The following MBTPS2 variants were observed in gnomAD, a reference collection of about 807,000 sequenced individuals.
MBTPS2 encodes the protein membrane-bound transcription factor site-2 protease.
A neutral mutation model predicts 35.4 loss-of-function variants in MBTPS2; 2 were observed. That is an observed-to-expected ratio of 0.06 (90% CI 0.02 to 0.18). MBTPS2 has a LOEUF of 0.18. Ranked by LOEUF, MBTPS2 falls within the 10% of genes least tolerant of loss-of-function variation. MBTPS2 has a pLI of 1.00. For synonymous variants in MBTPS2, 125 were observed against 140.4 expected (o/e 0.89, Z 0.77); for missense variants, 244 against 386.5 (o/e 0.63, Z 3.09).
intron 8 of MBTPS2, 151 bp from the exon 9 acceptor site, chrX:21,878,346 A>G: frequency 1.9e-6 from 1 of 520,353 alleles, no homozygotes; most frequent in Non-Finnish European, 3.3e-6. Context: ...GGGGTACTTG[A>G]ATCTATTTTA....
intron 10 of MBTPS2, among the ~76,000 whole-genome samples, chrX:21,881,793 G>A (rs757047263): frequency 3.8e-4 from 42 of 110,208 alleles, no homozygotes; most frequent in Admixed American, 2.0e-3. Context: ...AAAATTAGCC[G>A]GGTGTCTTGG....
intron 4 of MBTPS2, 84 bp downstream of exon 4, chrX:21,851,696 T>C (rs2092914911): frequency 3.1e-6 from 2 of 648,422 alleles, no homozygotes; most frequent in African/African-American, 4.3e-5. Context: ...ATCTGCTATA[T>C]TTGATACTTC....
chrX:21,845,007 A>T (rs1177775190), intron 2 of MBTPS2, among the ~76,000 whole-genome samples, 164 bp from the exon 3 acceptor site: 1 of 112,676 alleles, frequency 8.9e-6, no homozygotes, highest in Non-Finnish European at 1.9e-5. Flanking sequence ...ACTAGTGCTC[A>T]TGCTGCAGTC....
At chrX:21,872,994 A>T (rs1380072676) in intron 7 of MBTPS2, 2 of 111,091 alleles carry the variant, frequency 1.8e-5, no homozygotes, top group Non-Finnish European at 3.8e-5. Context: ...TCCAAAAGTT[A>T]TTCATGTTCA....
rs929124406 is a variant in MBTPS2, at chrX:21,851,422, C to G, written c.439-87C>G. 19 of 581,624 alleles carry G rather than the reference C, an allele frequency of 3.3e-5. No homozygotes were observed. The African/African-American group carries it at 4.0e-4, about 12-fold the overall frequency. The allele number at this position is 581,624 out of a possible 1,213,427, so 47.9% of individuals were successfully genotyped here. ...GAACATTCAGCTTGAAGGTTTAATACAGAATGAACATCATGTATCTTAGTG... is the reference window on the plus strand; with the variant it reads ...GAACATTCAGCTTGAAGGTTTAATAGAGAATGAACATCATGTATCTTAGTG... On this transcript the variant is annotated intron_variant, in intron 3 of 10. Transcript: ENST00000379484.
chrX:21,878,443 C>T, intron 8 of MBTPS2, 54 bp from the exon 9 acceptor site: 1 of 920,681 alleles, frequency 1.1e-6, no homozygotes, highest in Non-Finnish European at 1.6e-6. Flanking sequence ...AGGAATGTAA[C>T]TTAGGTTTTT....
At chrX:21,857,669 C>T (rs1297197059) in intron 5 of MBTPS2, 3 of 1,044,787 alleles carry the variant, frequency 2.9e-6, no homozygotes, top group African/African-American at 2.0e-5. Context: ...ATAAATATGC[C>T]TCTCAAAGCT....
intron 5 of MBTPS2, among the ~76,000 whole-genome samples, chrX:21,859,590 A>G (rs927517083): frequency 3.7e-5 from 4 of 109,033 alleles, no homozygotes; most frequent in Non-Finnish European, 5.7e-5. Flanking sequence ...TTAACACTTA[A>G]GAAGTACATC....
rs1291917061 is a variant in MBTPS2 at position 21,883,602 on chromosome X, G to A, written c.*947G>A. On this transcript the variant is annotated 3_prime_UTR_variant, in exon 11 of 11. Coordinates refer to ENST00000379484, the MANE Select transcript of MBTPS2 (RefSeq NM_015884.4). ...TCTGGGGCCTAGCTCCTGGGTTCCTGTCTCCAAGAAGCAATGACCTTAAAC... is the reference window on the plus strand; with the variant it reads ...TCTGGGGCCTAGCTCCTGGGTTCCTATCTCCAAGAAGCAATGACCTTAAAC... 1.3e-6 allele frequency: 1 copy of A among 751,886 alleles called. No homozygotes were observed. Among genetic ancestry groups the A allele is most frequent in the Non-Finnish European group, 1.6e-6 (1 of 638,873 alleles). 62.0% of individuals were successfully genotyped at this position (751,886 alleles called of 1,213,427 possible).
Position 21,848,715 on chromosome X carries a change from C to T in MBTPS2, c.439-2794C>T, listed in dbSNP as rs142814957. 5.5e-3 allele frequency among the ~76,000 whole-genome samples: 608 copies of T among 110,536 alleles called. 2 individuals carry two copies. Among genetic ancestry groups the T allele is most frequent in the African/African-American group, 0.019 (581 of 30,473 alleles). ...TAAATAAAATAAAATAAAACAACAA[C>T]AACAACAAAAATGATTATAACTAGT... On this transcript the variant is annotated intron_variant, in intron 3 of 10. Transcript: ENST00000379484.
intron 5 of MBTPS2, among the ~76,000 whole-genome samples, chrX:21,867,663 G>T (rs1307491006): frequency 1.0e-5 from 1 of 96,810 alleles, no homozygotes; most frequent in Non-Finnish European, 2.0e-5. Flanking sequence ...ACGGAGTCCT[G>T]CTCTGTGCTA....
rs142666676 is a variant in MBTPS2 at position 21,851,555 on chromosome X, C to T, written c.485C>T (p.Thr162Met). 438 of 1,206,166 alleles carry T rather than the reference C, an allele frequency of 3.6e-4. No homozygotes were observed. The highest frequency in any genetic ancestry group is 4.8e-4 in the Non-Finnish European group (425 of 892,211). ...LPVNQLTYFF[T>M]AVLISGVVHE... is the part of the protein sequence containing the mutation. Reference sequence around the variant, plus strand: ...GTCAATCAACTGACCTATTTCTTCACGGCAGTTCTCATTAGTGGTGTTGTA... The same window carrying T: ...GTCAATCAACTGACCTATTTCTTCATGGCAGTTCTCATTAGTGGTGTTGTA... The change falls in exon 4 of 11, where the codon ACG (threonine) becomes ATG (methionine). Residue 162 changes from threonine (T) to methionine (M), a missense_variant. Transcript: ENST00000379484.
intron 5 of MBTPS2, chrX:21,857,722 C>G: frequency 1.2e-6 from 1 of 837,216 alleles, no homozygotes; most frequent in Non-Finnish European, 1.7e-6. Flanking sequence ...ATGAATCCTG[C>G]ACATTTAAGG....
At chrX:21,847,782 G>C (rs1569321772) in intron 3 of MBTPS2, among the ~76,000 whole-genome samples, 5 of 112,048 alleles carry the variant, frequency 4.5e-5, no homozygotes, top group Admixed American at 3.8e-4. Context: ...TCAGAGAAAA[G>C]TATAATACTG....
intron 7 of MBTPS2, chrX:21,873,185 T>C (rs1322387286): frequency 1.8e-5 from 2 of 112,040 alleles, no homozygotes; most frequent in Non-Finnish European, 3.8e-5. Context: ...TTAAACTCTT[T>C]GAAGGTTAAA....
At chrX:21,867,299 C>A (rs1277556385) in intron 5 of MBTPS2, among the ~76,000 whole-genome samples, 1 of 111,661 alleles carries the variant, frequency 9.0e-6, no homozygotes, top group African/African-American at 3.2e-5. Flanking sequence ...AAAGAATGCA[C>A]TGCTCAGTAA....
chrX:21,845,378 A>G lies in MBTPS2; in HGVS notation c.432A>G (p.Gln144=). 8.3e-7 allele frequency: 1 copy of G among 1,198,005 alleles called. No individual in the cohort carries two copies. Among genetic ancestry groups the G allele is most frequent in the Non-Finnish European group, 1.1e-6 (1 of 886,673 alleles). The change falls in exon 3 of 11, where the codon CAA becomes CAG. Residue 144 remains glutamine (Q), a synonymous_variant. Coordinates refer to ENST00000379484, the MANE Select transcript of MBTPS2 (RefSeq NM_015884.4). ...SSSLHNEQVL[Q]VVVPGINLPV... ...CGCTTCACAATGAACAGGTGTTACA[A>G]GTTGTGGTAAGTATCGTCTTTTCGC...
chrX:21,857,016 A>G, intron 5 of MBTPS2: 1 of 1,211,773 alleles, frequency 8.3e-7, no homozygotes, highest in Non-Finnish European at 1.1e-6. Context: ...GCAGGTCAAA[A>G]CGCTGGAGGG....
intron 5 of MBTPS2, among the ~76,000 whole-genome samples, chrX:21,854,872 T>C (rs1181804895): frequency 8.9e-6 from 1 of 112,080 alleles, no homozygotes; most frequent in Non-Finnish European, 1.9e-5. Flanking sequence ...AAAAACTACC[T>C]GAAATTTAGA....
Sources: allele counts gnomAD v4.1 joint callset (sites outside exome capture counted in the v4.1 genomes callset), GRCh38; gene constraint gnomAD v4.1.1; transcripts MANE v1.5; gene names NCBI Gene and HGNC (gene_info 2026-07-23, HGNC 2026-07-21).